Variants in SAXO1 observed in about 807,000 individuals in gnomAD.
The protein encoded by SAXO1 is stabilizer of axonemal microtubules 1, also known as 4930500O09Rik.
A neutral mutation model predicts 17.5 loss-of-function variants in SAXO1; 21 were observed. The ratio of observed to expected loss-of-function variants is 1.20; its 90% CI spans 0.85 to 1.72. The LOEUF is 1.72. Among genes scored for constraint, SAXO1 ranks in the 40% most tolerant of loss-of-function variants. The pLI, the probability that SAXO1 is intolerant of heterozygous loss-of-function variation, is 0.00. For missense variants in SAXO1, 843 were observed against 596.0 expected (o/e 1.41, Z -4.32); for synonymous variants, 274 against 216.5 (o/e 1.27, Z -2.33).
intron 3 of SAXO1, among the ~76,000 whole-genome samples, chr9:18,941,381 C>A (rs1340073063): frequency 6.6e-6 from 1 of 152,112 alleles, no homozygotes; most frequent in East Asian, 1.9e-4. Context: ...AACATGAACA[C>A]TGAATTTTCA....
chr9:19,029,598 G>A (rs1835666765), intron 1 of SAXO1, among the ~76,000 whole-genome samples: 1 of 152,138 alleles, frequency 6.6e-6, no homozygotes, highest in Admixed American at 6.5e-5. Context: ...TAATTGGGGT[G>A]GGAGAGATCA....
intron 1 of SAXO1, among the ~76,000 whole-genome samples, chr9:19,047,647 C>A (rs754499491): frequency 6.6e-6 from 1 of 152,148 alleles, no homozygotes; most frequent in Non-Finnish European, 1.5e-5. Flanking sequence ...AACCAAGAAG[C>A]AGGCATCAGA....
In SAXO1 at chr9:18,928,572, T is replaced by C; in HGVS notation, c.905A>G (p.Asp302Gly). The C allele has an allele frequency of 6.2e-7, 1 of 1,614,014 alleles. No homozygotes were observed. Among genetic ancestry groups the C allele is most frequent in the Non-Finnish European group, 8.5e-7 (1 of 1,179,990 alleles). The change falls in exon 4 of 4, where the codon GAT (aspartate) becomes GGT (glycine). Residue 302 changes from aspartate (D) to glycine (G), a missense_variant. Physicochemically the swap from Asp to Gly is moderately conservative, Grantham distance 94. Transcript: ENST00000380534. Reference protein sequence around the residue: ...ITYVPPEDRMDLLTTVQAHYT... With the variant: ...ITYVPPEDRMGLLTTVQAHYT... ...ATGGGCCTGCACTGTTGTCAGAAGA[T>C]CCATCCTGTCTTCGGGAGGGACGTA...
intron 1 of SAXO1, among the ~76,000 whole-genome samples, chr9:18,982,772 A>G (rs903986281): frequency 6.6e-6 from 1 of 152,234 alleles, no homozygotes; most frequent in African/African-American, 2.4e-5. Context: ...GCTGAGTAAC[A>G]TATCTTGGAA....
intron 1 of SAXO1, among the ~76,000 whole-genome samples, chr9:19,043,786 G>C (rs930336573): frequency 6.6e-6 from 1 of 151,622 alleles, no homozygotes; most frequent in African/African-American, 2.4e-5. Flanking sequence ...AAAAGACCTA[G>C]TATTTGATAG....
At chr9:19,024,616 T>G (rs1044540424) in intron 1 of SAXO1, among the ~76,000 whole-genome samples, 5 of 152,020 alleles carry the variant, frequency 3.3e-5, no homozygotes, top group African/African-American at 4.8e-5. Context: ...TAAAAAAAAG[T>G]GGCAGAGCCA....
upstream of SAXO1, among the ~76,000 whole-genome samples, chr9:19,036,898 C>T (rs1835955770): frequency 6.6e-6 from 1 of 152,214 alleles, no homozygotes; most frequent in Admixed American, 6.5e-5. Flanking sequence ...CACAGACACT[C>T]ATTGCCAGCC....
chr9:18,994,793 T>C lies in SAXO1; in HGVS notation c.38+38078A>G, dbSNP rs148843895. 5.0e-3 allele frequency among the ~76,000 whole-genome samples: 768 copies of C among 152,282 alleles called. 4 individuals carry two copies. The highest frequency in any genetic ancestry group is 0.016 in the African/African-American group (671 of 41,562). On this transcript the variant is annotated intron_variant, in intron 1 of 3. Coordinates refer to ENST00000380534, the MANE Select transcript of SAXO1 (RefSeq NM_153707.4). ...GTAAAAGACTGAAAGCTATTAGCAG[T>C]TCCACACTAACCCCCAGGATGCAAT...
intron 1 of SAXO1, chr9:19,026,795 C>G (rs1023592746): frequency 2.1e-6 from 1 of 486,252 alleles, no homozygotes; most frequent in Admixed American, 2.8e-5. Flanking sequence ...CTTTGGGAGG[C>G]TGAGGTGGGT....
At chr9:18,972,846 C>T (rs924597232) in intron 1 of SAXO1, among the ~76,000 whole-genome samples, 9 of 152,246 alleles carry the variant, frequency 5.9e-5, no homozygotes, top group Non-Finnish European at 1.2e-4. Context: ...TCGAGTCCTT[C>T]CGGGCCTAAG....
rs181726980 is a variant in SAXO1 at position 19,004,629 on chromosome 9, C to T, written c.38+28242G>A. 3.0e-3 allele frequency among the ~76,000 whole-genome samples: 460 copies of T among 152,276 alleles called. 8 individuals are homozygous for T. In the South Asian group the frequency reaches 0.044, roughly 15 times the overall value. On this transcript the variant is annotated intron_variant, in intron 1 of 3. Coordinates refer to ENST00000380534, the MANE Select transcript of SAXO1 (RefSeq NM_153707.4). ...ACTATCACAAGGACGGAAAACCAAACACCACAACTTCTCACTCACAAGTGG... is the reference window on the plus strand; with the variant it reads ...ACTATCACAAGGACGGAAAACCAAATACCACAACTTCTCACTCACAAGTGG...
At chr9:18,974,456 A>T (rs1177876912) in intron 1 of SAXO1, among the ~76,000 whole-genome samples, 1 of 152,240 alleles carries the variant, frequency 6.6e-6, no homozygotes, top group African/African-American at 2.4e-5. Context: ...ATTAACCTCA[A>T]GTAAAAGGAG....
chr9:18,990,435 G>C (rs548158706), intron 1 of SAXO1, among the ~76,000 whole-genome samples: 2 of 152,114 alleles, frequency 1.3e-5, no homozygotes. Flanking sequence ...GCAGGACACC[G>C]TGGCTTATGC....
At chr9:19,009,227 T>G (rs905475790) in intron 1 of SAXO1, among the ~76,000 whole-genome samples, 8 of 133,842 alleles carry the variant, frequency 6.0e-5, no homozygotes, top group African/African-American at 1.9e-4. Context: ...TTCACATTGT[T>G]TTTCAAATCT....
chr9:19,029,587 T>G (rs987428841), intron 1 of SAXO1, among the ~76,000 whole-genome samples: 1 of 152,038 alleles, frequency 6.6e-6, no homozygotes, highest in Non-Finnish European at 1.5e-5. Context: ...TGGGAGGGAT[T>G]TAATTGGGGT....
In SAXO1 at chr9:18,929,318, C is replaced by T. The variant is rs117289806; in HGVS notation, c.422-263G>A. Among the ~76,000 whole-genome samples the T allele has an allele frequency of 1.9e-3, 282 of 152,310 alleles. 10 individuals are homozygous for T. In the East Asian group the frequency reaches 0.049, roughly 27 times the overall value. On this transcript the variant is annotated intron_variant, in intron 3 of 3. Coordinates refer to ENST00000380534, the MANE Select transcript of SAXO1 (RefSeq NM_153707.4). ...GCAGGGATCTTAGAGGGTCCATGGTCGTGAGAGGATCCAGGGAATCCATTC... is the reference window on the plus strand; with the variant it reads ...GCAGGGATCTTAGAGGGTCCATGGTTGTGAGAGGATCCAGGGAATCCATTC...
intron 1 of SAXO1, among the ~76,000 whole-genome samples, chr9:18,996,300 G>A (rs181210031): frequency 6.6e-6 from 1 of 152,088 alleles, no homozygotes; most frequent in Non-Finnish European, 1.5e-5. Flanking sequence ...CTTAATGACA[G>A]GGATACATTC....
rs1445477545 is a variant in SAXO1 at position 19,022,475 on chromosome 9, T to C, written c.38+10396A>G. ...GCAAGATAAAGAACAGGGTATTCAA[T>C]TGACTCTGCTCTTCATTTGGAGCTG... On this transcript the variant is annotated intron_variant, in intron 1 of 3. Coordinates refer to ENST00000380534, the MANE Select transcript of SAXO1 (RefSeq NM_153707.4). 3.3e-5 allele frequency among the ~76,000 whole-genome samples: 5 copies of C among 152,236 alleles called. No individual in the cohort carries two copies. The South Asian group carries it at 6.2e-4, about 19-fold the overall frequency.
intron 1 of SAXO1, among the ~76,000 whole-genome samples, chr9:18,985,209 G>A (rs949632688): frequency 1.3e-5 from 2 of 152,040 alleles, no homozygotes; most frequent in African/African-American, 2.4e-5. Flanking sequence ...TTATACGGGC[G>A]TGGCTCATGG....
Sources: allele counts gnomAD v4.1 joint callset (sites outside exome capture counted in the v4.1 genomes callset), GRCh38; gene constraint gnomAD v4.1.1; transcripts MANE v1.5; gene names NCBI Gene and HGNC (gene_info 2026-07-23, HGNC 2026-07-21).